Variants in DPP6 observed in about 807,000 individuals in gnomAD.
DPP6 encodes the protein A-type potassium channel modulatory protein DPP6.
In DPP6, 69 loss-of-function variants were observed where a neutral mutation model predicts 122.6. That is an observed-to-expected ratio of 0.56 (90% CI 0.46 to 0.69). The LOEUF (loss-of-function observed/expected upper bound fraction) is 0.69. Ranked by LOEUF, DPP6 falls within the 30% of genes least tolerant of loss-of-function variation. DPP6 has a pLI of 0.00. For missense variants in DPP6, 928 were observed against 1,116.9 expected (o/e 0.83, Z 2.41); for synonymous variants, 418 against 433.1 (o/e 0.97, Z 0.43).
chr7:154,194,924 C>G lies in DPP6; in HGVS notation c.243+141861C>G, dbSNP rs1798790560. On this transcript the variant is annotated intron_variant, in intron 1 of 25. Transcript: ENST00000377770. ...AATATATCGTTGGCAAATATTTTCT[C>G]TCACTCTAGCTCTTCTTTTCTTTCA... Among the ~76,000 whole-genome samples, 3 of 152,204 alleles carry G rather than the reference C, an allele frequency of 2.0e-5. No individual in the cohort carries two copies. The South Asian group carries it at 6.2e-4, about 32-fold the overall frequency.
chr7:154,573,107 G>A (rs1298509728), intron 5 of DPP6, among the ~76,000 whole-genome samples: 1 of 152,148 alleles, frequency 6.6e-6, no homozygotes, highest in East Asian at 1.9e-4. Context: ...GTGGCTAAGG[G>A]AATTGTGTTT....
intron 1 of DPP6, among the ~76,000 whole-genome samples, chr7:154,000,029 A>G (rs1797621180): frequency 6.6e-6 from 1 of 152,180 alleles, no homozygotes; most frequent in Admixed American, 6.5e-5. Context: ...TATATAAGAT[A>G]GCTGGAAAAA....
chr7:154,350,153 G>A (rs1388176166), intron 1 of DPP6, among the ~76,000 whole-genome samples: 2 of 152,228 alleles, frequency 1.3e-5, no homozygotes, highest in African/African-American at 4.8e-5. Context: ...AGAATGTGGA[G>A]AAGACTTCAC....
intron 5 of DPP6, 43 bp from the exon 6 acceptor site, chr7:154,637,778 C>A: frequency 6.5e-7 from 1 of 1,537,462 alleles, no homozygotes; most frequent in Non-Finnish European, 8.8e-7. Flanking sequence ...TCGTAACAGC[C>A]TTTGTCTCAA....
intron 7 of DPP6, among the ~76,000 whole-genome samples, chr7:154,705,993 C>A (rs1406121764): frequency 6.6e-6 from 1 of 152,200 alleles, no homozygotes; most frequent in African/African-American, 2.4e-5. Context: ...CTGCAGATGT[C>A]CCCCCTCTAC....
At chr7:153,887,747 G>T (rs374452583) in intron 1 of DPP6, 1 of 1,612,804 alleles carries the variant, frequency 6.2e-7, no homozygotes, top group Non-Finnish European at 8.5e-7. Flanking sequence ...GAGTGCCACG[G>T]ACAGGGCGCG....
intron 13 of DPP6, among the ~76,000 whole-genome samples, chr7:154,803,011 C>T (rs967607452): frequency 3.3e-5 from 5 of 152,028 alleles, no homozygotes; most frequent in African/African-American, 2.4e-5. Context: ...AGGAACCCCT[C>T]GGGGGGCCCC....
intron 5 of DPP6, among the ~76,000 whole-genome samples, chr7:154,572,326 C>T (rs1267185401): frequency 2.0e-5 from 3 of 151,862 alleles, no homozygotes; most frequent in Non-Finnish European, 4.4e-5. Flanking sequence ...CTTCTATGCA[C>T]CCATCTGGTC....
intron 1 of DPP6, among the ~76,000 whole-genome samples, chr7:154,172,221 A>G (rs545324311): frequency 3.9e-5 from 6 of 152,286 alleles, no homozygotes; most frequent in African/African-American, 1.4e-4. Context: ...TATTCTAGAA[A>G]TGAAACAAGG....
At chr7:154,849,803 G>A (rs1342487952) in intron 16 of DPP6, among the ~76,000 whole-genome samples, 4 of 152,160 alleles carry the variant, frequency 2.6e-5, no homozygotes, top group African/African-American at 4.8e-5. Flanking sequence ...TATGGGTTTG[G>A]CATAGATGGC....
chr7:153,924,462 T>G (rs1239638270), intron 1 of DPP6, among the ~76,000 whole-genome samples: 1 of 152,152 alleles, frequency 6.6e-6, no homozygotes, highest in African/African-American at 2.4e-5. Context: ...TTGATGATGA[T>G]GACAATGATG....
chr7:153,811,193 A>G, the DPP6 span, among the ~76,000 whole-genome samples: 6 of 151,902 alleles, frequency 3.9e-5, no homozygotes, highest in African/African-American at 1.5e-4. Flanking sequence ...CACCTCACTG[A>G]CTCCCTGCAA....
At chr7:153,863,399 AAAC>A in the DPP6 span, among the ~76,000 whole-genome samples, 75 of 152,208 alleles carry the variant, frequency 4.9e-4, no homozygotes, top group African/African-American at 1.6e-3. Flanking sequence ...GACTTGTAGT[AAAC>A]AACAACAACA....
chr7:154,726,336 G>A (rs1586964972), intron 7 of DPP6, among the ~76,000 whole-genome samples: 1 of 152,286 alleles, frequency 6.6e-6, no homozygotes, highest in East Asian at 1.9e-4. Flanking sequence ...TGGACTTCCA[G>A]GCATTTCATA....
intron 6 of DPP6, among the ~76,000 whole-genome samples, chr7:154,638,321 C>T (rs6961341): frequency 0.69 from 104,388 of 152,116 alleles, 36,316 homozygotes; most frequent in East Asian, 0.92. Context: ...TGGAACATAT[C>T]TATGGGATTA....
chr7:154,665,915 C>A (rs569513310), intron 6 of DPP6, among the ~76,000 whole-genome samples: 3 of 151,924 alleles, frequency 2.0e-5, no homozygotes, highest in South Asian at 4.2e-4. Flanking sequence ...ATATTTGTCC[C>A]ATTCTAGCAT....
intron 1 of DPP6, among the ~76,000 whole-genome samples, chr7:154,147,457 CCTTCCT>C (rs2150675682): frequency 8.0e-6 from 1 of 125,032 alleles, no homozygotes; most frequent in South Asian, 2.3e-4. Context: ...TTCCTTCCTT[CCTTCCT>C]TCCTTCCTTC....
intron 7 of DPP6, among the ~76,000 whole-genome samples, chr7:154,722,290 C>T (rs1841857546): frequency 6.6e-6 from 1 of 152,256 alleles, no homozygotes; most frequent in South Asian, 2.1e-4. Context: ...CTGGCCCAGG[C>T]CATGCAGCAC....
chr7:154,317,300 TC>T (rs1455310340), intron 1 of DPP6, among the ~76,000 whole-genome samples: 6 of 152,086 alleles, frequency 3.9e-5, no homozygotes, highest in Non-Finnish European at 8.8e-5. Context: ...ATTGAGACCA[TC>T]CTGGCTAACA....
Sources: gnomAD v4.1 joint callset for allele counts (sites outside exome capture counted in the v4.1 genomes callset) on GRCh38, gnomAD v4.1.1 for gene constraint, MANE v1.5 for transcripts, NCBI Gene and HGNC (gene_info 2026-07-23, HGNC 2026-07-21) for gene names.